ALK: variants seen among roughly 807,000 people sequenced by gnomAD.
ALK encodes ALK receptor tyrosine kinase, also known as ALK tyrosine kinase receptor.
In ALK, 74 loss-of-function variants were observed where a neutral mutation model predicts 163.1. That is an observed-to-expected ratio of 0.45 (90% CI 0.38 to 0.55). ALK has a LOEUF of 0.55. Ranked by LOEUF, ALK falls within the 20% of genes least tolerant of loss-of-function variation. ALK has a pLI of 0.00. For synonymous variants in ALK, 960 were observed against 843.2 expected (o/e 1.14, Z -2.40); for missense variants, 2,063 against 2,105.3 (o/e 0.98, Z 0.39).
intron 3 of ALK, among the ~76,000 whole-genome samples, chr2:29,542,769 C>T (rs542660394): frequency 2.0e-5 from 3 of 152,184 alleles, no homozygotes; most frequent in Admixed American, 6.5e-5. Flanking sequence ...AAAATTCATC[C>T]GTGGCATTTT....
chr2:29,761,092 T>G (rs1273048790), intron 1 of ALK, among the ~76,000 whole-genome samples: 1 of 152,102 alleles, frequency 6.6e-6, no homozygotes, highest in Non-Finnish European at 1.5e-5. Flanking sequence ...GGAACCATGT[T>G]GTAGCAATGC....
intron 3 of ALK, among the ~76,000 whole-genome samples, chr2:29,679,059 T>C (rs1040777628): frequency 6.6e-6 from 1 of 151,930 alleles, no homozygotes; most frequent in African/African-American, 2.4e-5. Flanking sequence ...TGTTGTTTGA[T>C]GCACATACAT....
At chr2:29,198,535 A>C (rs1162704740) in intron 26 of ALK, among the ~76,000 whole-genome samples, 2 of 152,176 alleles carry the variant, frequency 1.3e-5, no homozygotes, top group Non-Finnish European at 2.9e-5. Context: ...ACTGAATTAA[A>C]ATGTAGGCTA....
chr2:29,220,579 C>T (rs1483207113), intron 23 of ALK, 127 bp downstream of exon 23: 4 of 1,359,710 alleles, frequency 2.9e-6, no homozygotes, highest in Non-Finnish European at 4.1e-6. Flanking sequence ...ACCCCCCTGT[C>T]CAAGCCTAAA....
intron 15 of ALK, among the ~76,000 whole-genome samples, chr2:29,230,175 T>TA (rs149230468): frequency 1.3e-5 from 2 of 152,204 alleles, no homozygotes; most frequent in South Asian, 4.1e-4. Context: ...CATTCTCCTA[T>TA]AAAAAAATCA....
At chr2:29,280,445 C>G (rs971074455) in intron 9 of ALK, among the ~76,000 whole-genome samples, 1 of 151,412 alleles carries the variant, frequency 6.6e-6, no homozygotes, top group African/African-American at 2.4e-5. Context: ...CCCGGTGGAC[C>G]ACTCTGGGAC....
At chr2:29,696,530 TA>T (rs60320646) in intron 2 of ALK, among the ~76,000 whole-genome samples, 4,601 of 103,748 alleles carry the variant, frequency 0.044, 129 homozygotes, top group African/African-American at 0.095. Flanking sequence ...CTTAAAGGAT[TA>T]AAAAAAAAAA....
intron 1 of ALK, among the ~76,000 whole-genome samples, chr2:29,771,628 G>A (rs1025242771): frequency 1.3e-5 from 2 of 151,882 alleles, no homozygotes; most frequent in Admixed American, 6.6e-5. Flanking sequence ...TCCACCTCCC[G>A]GGTTCATACC....
chr2:29,898,324 G>A (rs1282233655), intron 1 of ALK, among the ~76,000 whole-genome samples: 1 of 152,200 alleles, frequency 6.6e-6, no homozygotes, highest in Non-Finnish European at 1.5e-5. Context: ...GATCAAATGC[G>A]ATTAAGGGAG....
intron 1 of ALK, among the ~76,000 whole-genome samples, chr2:29,859,359 C>T (rs1666223472): frequency 1.3e-5 from 2 of 152,230 alleles, no homozygotes; most frequent in South Asian, 4.1e-4. Context: ...GTCCTCCGCT[C>T]TCCCTTGAAG....
chr2:29,420,517 C>T lies in ALK; in HGVS notation c.1155-36658G>A, dbSNP rs534810704. 7.9e-5 allele frequency among the ~76,000 whole-genome samples: 12 copies of T among 151,574 alleles called. No homozygotes were observed. The South Asian group carries it at 1.5e-3, about 18-fold the overall frequency. ...TGATTTTTCCTTCCAGCCTCCCCCA[C>T]CCTGAGTTTGTGAAACTGGAGCCTC... On this transcript the variant is annotated intron_variant, in intron 4 of 28. Coordinates refer to ENST00000389048, the MANE Select transcript of ALK (RefSeq NM_004304.5).
intron 4 of ALK, among the ~76,000 whole-genome samples, chr2:29,391,795 T>A (rs903555407): frequency 6.6e-6 from 1 of 152,162 alleles, no homozygotes; most frequent in Admixed American, 6.5e-5. Context: ...CCCCTGGACC[T>A]CCTGCTCTCA....
intron 1 of ALK, among the ~76,000 whole-genome samples, chr2:29,825,832 G>C (rs1447208822): frequency 6.6e-6 from 1 of 152,064 alleles, no homozygotes; most frequent in Non-Finnish European, 1.5e-5. Context: ...TTGAGATGAA[G>C]AAAGCATCAG....
intron 1 of ALK, among the ~76,000 whole-genome samples, chr2:29,841,078 T>C: frequency 6.6e-6 from 1 of 152,222 alleles, no homozygotes; most frequent in Non-Finnish European, 1.5e-5. Context: ...TCCCTTTGAA[T>C]AAATCATATT....
intron 1 of ALK, among the ~76,000 whole-genome samples, chr2:29,778,472 G>A (rs1486410774): frequency 6.6e-6 from 1 of 152,230 alleles, no homozygotes; most frequent in African/African-American, 2.4e-5. Context: ...AGTTCTGTGT[G>A]CATTCCTAGA....
At chr2:29,518,166 G>A (rs761818479) in intron 4 of ALK, among the ~76,000 whole-genome samples, 5 of 152,108 alleles carry the variant, frequency 3.3e-5, no homozygotes, top group African/African-American at 7.2e-5. Flanking sequence ...TTTAAATAAC[G>A]CATCTAAATG....
At chr2:29,727,037 G>T (rs1679594856) in intron 1 of ALK, among the ~76,000 whole-genome samples, 1 of 152,236 alleles carries the variant, frequency 6.6e-6, no homozygotes, top group Admixed American at 6.5e-5. Flanking sequence ...CCAGGTCAGA[G>T]ATGCTTGCTG....
intron 3 of ALK, among the ~76,000 whole-genome samples, chr2:29,576,616 C>G (rs35387194): frequency 0.1 from 15,893 of 152,200 alleles, 1,168 homozygotes; most frequent in East Asian, 0.28. Flanking sequence ...CACAGGTCCC[C>G]AACCCCCAGG....
At chr2:29,470,424 T>C (rs557054781) in intron 4 of ALK, among the ~76,000 whole-genome samples, 4 of 152,240 alleles carry the variant, frequency 2.6e-5, no homozygotes, top group East Asian at 1.9e-4. Flanking sequence ...CTATGCCTAG[T>C]CACATCATAA....
Sources: gnomAD v4.1 joint callset for allele counts (sites outside exome capture counted in the v4.1 genomes callset) on GRCh38, gnomAD v4.1.1 for gene constraint, MANE v1.5 for transcripts, NCBI Gene and HGNC (gene_info 2026-07-23, HGNC 2026-07-21) for gene names.